ADAMTS18: variants seen among roughly 807,000 people sequenced by gnomAD.
ADAMTS18 encodes ADAM metallopeptidase with thrombospondin type 1 motif 18.
Under a neutral mutation model 165.9 loss-of-function variants are expected in ADAMTS18, and 157 were observed. The observed-to-expected ratio is 0.95, with a 90% CI of 0.83 to 1.08. The LOEUF (loss-of-function observed/expected upper bound fraction) is 1.08, where lower values mean the gene tolerates loss of function less well. Ranked by LOEUF, ADAMTS18 falls within the 50% of genes least tolerant of loss-of-function variation. ADAMTS18 has a pLI of 0.00. For missense variants in ADAMTS18, 2,040 were observed against 1,534.0 expected, an observed-to-expected ratio of 1.33 and a Z score of -5.51; for synonymous variants, 782 against 578.2, an observed-to-expected ratio of 1.35 and a Z score of -5.06.
At chr16:77,433,571 CCTCT>C (rs1419409388) in intron 2 of ADAMTS18, 1 of 152,220 alleles carries the variant, frequency 6.6e-6, no homozygotes, top group Non-Finnish European at 1.5e-5. Flanking sequence ...GAAACTGCAG[CCTCT>C]CTGTTTGGAC....
At position 77,300,342 on chromosome 16, in the gene ADAMTS18, A is replaced by G. The variant is rs199969835; in HGVS notation, c.2595T>C (p.Asn865=). The G allele has an allele frequency of 3.6e-5, 58 of 1,613,778 alleles. No individual in the cohort carries two copies. The East Asian group carries it at 1.2e-3, about 33-fold the overall frequency. ...GTCTTTTTGTGGCTGGTGGAGTTCC[A>G]TTCATGACCTTGGGAAGTGCATACT... ...AWKYALPKVM[N]GTPPATKRPA... is the part of the protein sequence containing the mutation. Residue 865 remains asparagine, a synonymous_variant, in exon 17 of 23, where the codon AAT becomes AAC. Coordinates refer to ENST00000282849, the MANE Select transcript of ADAMTS18 (RefSeq NM_199355.4).
intron 3 of ADAMTS18, among the ~76,000 whole-genome samples, chr16:77,391,985 C>T (rs1231654549): frequency 6.6e-6 from 1 of 152,126 alleles, no homozygotes; most frequent in Non-Finnish European, 1.5e-5. Flanking sequence ...CATTGATTAC[C>T]TATGTTCCCA....
intron 21 of ADAMTS18, among the ~76,000 whole-genome samples, chr16:77,290,309 G>T (rs1003351430): frequency 3.3e-5 from 5 of 152,280 alleles, no homozygotes; most frequent in Admixed American, 6.5e-5. Flanking sequence ...AATATATTAA[G>T]CAAATGAACA....
At chr16:77,383,427 T>C (rs1431012091) in intron 3 of ADAMTS18, among the ~76,000 whole-genome samples, 3 of 152,174 alleles carry the variant, frequency 2.0e-5, no homozygotes, top group African/African-American at 7.2e-5. Flanking sequence ...TGCTGTTCTA[T>C]AAATAAAAAA....
At chr16:77,385,005 G>T (rs2057086667) in intron 3 of ADAMTS18, among the ~76,000 whole-genome samples, 2 of 151,730 alleles carry the variant, frequency 1.3e-5, no homozygotes, top group African/African-American at 4.8e-5. Context: ...CGCTTCCCAG[G>T]TTCAAGCATT....
At position 77,365,702 on chromosome 16, in the gene ADAMTS18, G is replaced by A. The variant is rs188820570; in HGVS notation, c.779-1321C>T. ...ATTCCTGGGAAGAAAAATGGCACCTGGAAAGCTCAGGGAAGTAACTGTGTA... is the reference window on the plus strand; with the variant it reads ...ATTCCTGGGAAGAAAAATGGCACCTAGAAAGCTCAGGGAAGTAACTGTGTA... On this transcript the variant is annotated intron_variant, in intron 4 of 22. Coordinates refer to ENST00000282849, the MANE Select transcript of ADAMTS18 (RefSeq NM_199355.4). 3.9e-5 allele frequency among the ~76,000 whole-genome samples: 6 copies of A among 152,262 alleles called. No individual in the cohort carries two copies. In the East Asian group the frequency reaches 7.7e-4, roughly 20 times the overall value.
At position 77,319,981 on chromosome 16, in the gene ADAMTS18, G is replaced by A. The variant is rs1415524054; in HGVS notation, c.2400C>T (p.Leu800=). 3.1e-6 allele frequency: 5 copies of A among 1,614,190 alleles called. No homozygotes were observed. Among genetic ancestry groups the A allele is most frequent in the East Asian group, 4.5e-5 (2 of 44,870 alleles). The part of the protein sequence containing the change: ...AVRSLSQKYY[L]TGGWSIDWPG... ...GCCAGTCGATGCTCCAGCCCCCGGT[G>A]AGGTAATACTTTTGACTGAGGCTTC... Residue 800 remains leucine, a synonymous_variant, in exon 16 of 23, where the codon CTC becomes CTT. Transcript: ENST00000282849.
intron 3 of ADAMTS18, among the ~76,000 whole-genome samples, chr16:77,393,173 A>C (rs2057212336): frequency 6.6e-6 from 1 of 152,188 alleles, no homozygotes; most frequent in South Asian, 2.1e-4. Context: ...AGAGCAGAAC[A>C]TGACTTGTTC....
At chr16:77,331,888 GA>G (rs1265968267) in intron 12 of ADAMTS18, among the ~76,000 whole-genome samples, 1 of 152,134 alleles carries the variant, frequency 6.6e-6, no homozygotes, top group African/African-American at 2.4e-5. Flanking sequence ...ATATTTTGGG[GA>G]AAAAATAGAA....
At position 77,434,776 on chromosome 16, in the gene ADAMTS18, C is replaced by T. The variant is rs2057777502; in HGVS notation, c.-81G>A. ...GGGCGGCGCGCATTCTTTCCGCGGCCCCGGAGCTCGGCGCCCCAGGTGCGG... is the reference window on the plus strand; with the variant it reads ...GGGCGGCGCGCATTCTTTCCGCGGCTCCGGAGCTCGGCGCCCCAGGTGCGG... On this transcript the variant is annotated 5_prime_UTR_variant, in exon 1 of 23. Transcript: ENST00000282849. The T allele has an allele frequency of 2.5e-6, 3 of 1,214,302 alleles. No homozygotes were observed. The highest frequency in any genetic ancestry group is 2.2e-5 in the South Asian group (1 of 45,148). The allele number at this position is 1,214,302 out of a possible 1,614,324, so 75.2% of individuals were successfully genotyped here. A position where few individuals can be genotyped will look rare whatever the true frequency, so the allele number is the denominator to read the frequency against.
chr16:77,429,315 A>G (rs2057710399), intron 3 of ADAMTS18, among the ~76,000 whole-genome samples: 1 of 152,212 alleles, frequency 6.6e-6, no homozygotes, highest in African/African-American at 2.4e-5. Context: ...GGCTATTATC[A>G]TTAGCAAACT....
intron 16 of ADAMTS18, among the ~76,000 whole-genome samples, chr16:77,304,526 C>G (rs971282573): frequency 1.3e-5 from 2 of 152,166 alleles, no homozygotes; most frequent in African/African-American, 4.8e-5. Flanking sequence ...CTGAAAAAGA[C>G]AAACTGTTAC....
chr16:77,353,091 A>G (rs1216272019), intron 10 of ADAMTS18, among the ~76,000 whole-genome samples: 1 of 147,098 alleles, frequency 6.8e-6, no homozygotes, highest in Non-Finnish European at 1.5e-5. Context: ...AAACAACAAC[A>G]ACGACAACAA....
chr16:77,426,974 A>C (rs918053524), intron 3 of ADAMTS18, among the ~76,000 whole-genome samples: 1 of 152,162 alleles, frequency 6.6e-6, no homozygotes, highest in Non-Finnish European at 1.5e-5. Flanking sequence ...TGATTATACC[A>C]CTGTACTCAA....
chr16:77,288,767 A>G (rs986873944), intron 22 of ADAMTS18, among the ~76,000 whole-genome samples: 1 of 152,186 alleles, frequency 6.6e-6, no homozygotes, highest in Non-Finnish European at 1.5e-5. Context: ...AATAATGGTT[A>G]AAAAGCATTA....
intron 3 of ADAMTS18, among the ~76,000 whole-genome samples, chr16:77,373,880 C>T (rs1218211012): frequency 6.6e-6 from 1 of 152,104 alleles, no homozygotes; most frequent in Non-Finnish European, 1.5e-5. Flanking sequence ...GCAGGGGTCA[C>T]CTGAGTATCT....
At chr16:77,368,849 C>G (rs1339718039) in intron 3 of ADAMTS18, among the ~76,000 whole-genome samples, 1 of 152,134 alleles carries the variant, frequency 6.6e-6, no homozygotes, top group Non-Finnish European at 1.5e-5. Context: ...GACATATTTA[C>G]CAAATCAAGA....
In ADAMTS18 at chr16:77,431,516, T is replaced by C. The variant is rs1360644340; in HGVS notation, c.274A>G (p.Asn92Asp). 1.2e-6 allele frequency: 2 copies of C among 1,614,214 alleles called. No homozygotes were observed. The highest frequency in any genetic ancestry group is 3.3e-5 in the Admixed American group (2 of 60,028). Reference sequence around the variant, plus strand: ...CGGTAGTGCAGGGAGCTTCTGGCATTCTGCGCCGATCGCTTTTTCCTGCCG... The same window carrying C: ...CGGTAGTGCAGGGAGCTTCTGGCATCCTGCGCCGATCGCTTTTTCCTGCCG... Reference protein sequence around the residue: ...HNGRKKRSAQNARSSLHYRFS... With the variant: ...HNGRKKRSAQDARSSLHYRFS... The change falls in exon 3 of 23, where the codon AAT becomes GAT. Residue 92 changes from asparagine (N) to aspartate (D), a missense_variant. Physicochemically the swap from Asn to Asp is conservative, Grantham distance 23 (BLOSUM62 1). Transcript: ENST00000282849.
Position 77,434,791 on chromosome 16 carries a change from C to CCCAGGTGCGGCT in ADAMTS18, c.-108_-97dup. 1 of 1,094,964 alleles carries CCCAGGTGCGGCT rather than the reference C, an allele frequency of 9.1e-7. No homozygotes were observed. Among genetic ancestry groups the CCCAGGTGCGGCT allele is most frequent in the Non-Finnish European group, 1.2e-6 (1 of 843,830 alleles). The allele number at this position is 1,094,964 out of a possible 1,614,324, so 67.8% of individuals were successfully genotyped here. On this transcript the variant is annotated 5_prime_UTR_variant, in exon 1 of 23. Coordinates refer to ENST00000282849, the MANE Select transcript of ADAMTS18 (RefSeq NM_199355.4). ...TTTCCGCGGCCCCGGAGCTCGGCGC[C>CCCAGGTGCGGCT]CCAGGTGCGGCTCCAGGTGAGAGCC... is the stretch of plus-strand genomic sequence containing the variant.
Sources: gnomAD v4.1 joint callset for allele counts (sites outside exome capture counted in the v4.1 genomes callset) on GRCh38, gnomAD v4.1.1 for gene constraint, MANE v1.5 for transcripts, NCBI Gene and HGNC (gene_info 2026-07-23, HGNC 2026-07-21) for gene names.